Variants in SLC15A3 observed in about 807,000 individuals in gnomAD.
SLC15A3 encodes solute carrier family 15 member 3.
In SLC15A3, 39 loss-of-function variants were observed where a neutral mutation model predicts 49.2. That is an observed-to-expected ratio of 0.79 (90% CI 0.61 to 1.04). The LOEUF is 1.04. SLC15A3 is among the 50% of genes least tolerant of loss of function. The pLI is 0.00. For synonymous variants in SLC15A3, 339 were observed against 367.0 expected, an observed-to-expected ratio of 0.92 and a Z score of 0.87; for missense variants, 758 against 794.8, an observed-to-expected ratio of 0.95 and a Z score of 0.56.
intron 1 of SLC15A3, among the ~76,000 whole-genome samples, chr11:60,948,653 A>T (rs1187741724): frequency 6.6e-6 from 1 of 152,154 alleles, no homozygotes; most frequent in African/African-American, 2.4e-5. Context: ...AAATCCAGTG[A>T]TGTCCATTCC....
rs1565124927 is a variant in SLC15A3 at position 60,937,225 on chromosome 11, C to G, written c.1740G>C (p.Arg580Ser). 6.2e-7 allele frequency: 1 copy of G among 1,613,924 alleles called. No individual in the cohort carries two copies. Among genetic ancestry groups the G allele is most frequent in the East Asian group, 2.2e-5 (1 of 44,882 alleles). ...GGGCTGGAATAGGGCCTGTTCAGCC[C>G]CTGTCCCTGCTGAAACGGCTGTGGG... is the stretch of plus-strand genomic sequence containing the variant. ...PASHSRFSRD[R>S]G The change falls in exon 8 of 8, where the codon AGG (arginine) becomes AGC (serine). Residue 580 changes from arginine (R) to serine (S), a missense_variant. Arg to Ser is a moderately radical substitution (Grantham distance 110, BLOSUM62 -1). Transcript: ENST00000227880.
At chr11:60,939,071 T>C (rs992321834) in intron 6 of SLC15A3, among the ~76,000 whole-genome samples, 1 of 152,062 alleles carries the variant, frequency 6.6e-6, no homozygotes, top group Non-Finnish European at 1.5e-5. Context: ...TGTGCTATGA[T>C]AGAGAGATGA....
At chr11:60,948,991 A>G (rs1177913826) in intron 1 of SLC15A3, among the ~76,000 whole-genome samples, 4 of 152,204 alleles carry the variant, frequency 2.6e-5, no homozygotes. Context: ...ATTCCCATTG[A>G]CAAATATTGG....
intron 1 of SLC15A3, among the ~76,000 whole-genome samples, chr11:60,947,414 C>T (rs577920554): frequency 2.6e-5 from 4 of 152,282 alleles, no homozygotes; most frequent in South Asian, 2.1e-4. Flanking sequence ...CTCCTGACCT[C>T]GTGATCCGCT....
chr11:60,944,697 C>T (rs538808693), intron 2 of SLC15A3, among the ~76,000 whole-genome samples: 5 of 152,256 alleles, frequency 3.3e-5, no homozygotes, highest in Admixed American at 1.3e-4. Context: ...CCAAAATTCC[C>T]CCCCCTTGCT....
At chr11:60,940,506 A>AC (rs1257503716) in intron 5 of SLC15A3, 1 of 151,788 alleles carries the variant, frequency 6.6e-6, no homozygotes, top group Non-Finnish European at 1.5e-5. Context: ...TCCTCACAAC[A>AC]CCCCCCATCA....
Position 60,938,015 on chromosome 11 carries a change from A to G in SLC15A3, c.1446T>C (p.Phe482=). 6.2e-7 allele frequency: 1 copy of G among 1,613,786 alleles called. No homozygotes were observed. The highest frequency in any genetic ancestry group is 8.5e-7 in the Non-Finnish European group (1 of 1,179,898). ...TGGAGCGCGGGGCCTCTGAGTAGGC[A>G]AACTCCAGGCCTGCAGAGGGGGAGC... is the stretch of plus-strand genomic sequence containing the variant. The part of the protein sequence containing the change: ...EIFASIPGLE[F]AYSEAPRSMQ... The change falls in exon 7 of 8, where the codon TTT becomes TTC. Residue 482 remains phenylalanine, a synonymous_variant. Transcript: ENST00000227880.
At chr11:60,943,918 G>T in intron 2 of SLC15A3, 82 bp from the exon 3 acceptor site, 5 of 1,319,262 alleles carry the variant, frequency 3.8e-6, no homozygotes, top group African/African-American at 1.5e-5. Context: ...AGCACTTTGG[G>T]AGGCTGAGGC....
chr11:60,939,374 C>T, intron 6 of SLC15A3, 106 bp downstream of exon 6: 1 of 1,354,364 alleles, frequency 7.4e-7, no homozygotes, highest in Non-Finnish European at 1.0e-6. Context: ...TGCCTTCCTC[C>T]ATGCAGATGG....
In SLC15A3 at chr11:60,951,665, C is replaced by A. The variant is rs901673807; in HGVS notation, c.-114G>T. ...CTCTCCCCCACCCAACTGGCTGGCC[C>A]TCCTTTCTCACCGCTTTGGCCCACC... On this transcript the variant is annotated 5_prime_UTR_variant, in exon 1 of 8. In the 5' UTR this introduces an upstream ATG that the reference lacks. Transcript: ENST00000227880. The A allele has an allele frequency of 1.4e-5, 12 of 842,396 alleles. No homozygotes were observed. Among genetic ancestry groups the A allele is most frequent in the Non-Finnish European group, 1.7e-5 (12 of 690,258 alleles). 52.2% of individuals were successfully genotyped at this position (842,396 alleles called of 1,614,324 possible). A position where few individuals can be genotyped will look rare whatever the true frequency, so the allele number is the denominator to read the frequency against.
At chr11:60,941,784 C>T in intron 4 of SLC15A3, 1 of 472,732 alleles carries the variant, frequency 2.1e-6, no homozygotes. Flanking sequence ...GCAAATTAGG[C>T]AGCGAGACCT....
chr11:60,938,101 C>T, intron 6 of SLC15A3, 76 bp from the exon 7 acceptor site: 3 of 1,503,140 alleles, frequency 2.0e-6, no homozygotes, highest in Non-Finnish European at 2.7e-6. Context: ...TGCTTGCTGC[C>T]CCTGACCCTG....
rs762239096 is a variant in SLC15A3 at position 60,943,851 on chromosome 11, A to G, written c.849-15T>C. On this transcript the variant is annotated splice_polypyrimidine_tract_variant and intron_variant, in intron 2 of 7. Coordinates refer to ENST00000227880, the MANE Select transcript of SLC15A3 (RefSeq NM_016582.3). Reference sequence around the variant, plus strand: ...ATTGACGGTCTCTGTGAGACCCCAGAGGCAGCAGATAAAACAACAGTCAAG... The same window carrying G: ...ATTGACGGTCTCTGTGAGACCCCAGGGGCAGCAGATAAAACAACAGTCAAG... The G allele has an allele frequency of 2.0e-6, 3 of 1,525,774 alleles. No homozygotes were observed. In the African/African-American group the frequency reaches 4.2e-5, roughly 21 times the overall value. The allele number at this position is 1,525,774 out of a possible 1,614,324, so 94.5% of individuals were successfully genotyped here.
In SLC15A3 at chr11:60,937,904, C is replaced by T. The variant is rs1203357963; in HGVS notation, c.1557G>A (p.Leu519=). 3.1e-6 allele frequency: 5 copies of T among 1,614,034 alleles called. No individual in the cohort carries two copies. The African/African-American group carries it at 5.3e-5, about 17-fold the overall frequency. The change falls in exon 7 of 8, where the codon TTG becomes TTA. Residue 519 remains leucine, a synonymous_variant. Coordinates refer to ENST00000227880, the MANE Select transcript of SLC15A3 (RefSeq NM_016582.3). ...LGSSLVALLS[L]PGGWLHCPKD... is the part of the protein sequence containing the mutation. Reference sequence around the variant, plus strand: ...TGGGGCAGTGCAGCCAGCCCCCGGGCAAGGACAGCAGTGCCACTAGGCTGG... The same window carrying T: ...TGGGGCAGTGCAGCCAGCCCCCGGGTAAGGACAGCAGTGCCACTAGGCTGG...
intron 5 of SLC15A3, chr11:60,940,859 A>G (rs1230222653): frequency 5.9e-6 from 2 of 341,156 alleles, no homozygotes; most frequent in South Asian, 8.6e-5. Flanking sequence ...AAGAAAAACT[A>G]TCTCTGCCTT....
rs1397216222 is a variant in SLC15A3 at position 60,943,585 on chromosome 11, T to G, written c.996+104A>C. 4 of 1,249,676 alleles carry G rather than the reference T, an allele frequency of 3.2e-6. No individual in the cohort carries two copies. In the East Asian group the frequency reaches 1.2e-4, roughly 37 times the overall value. The allele number at this position is 1,249,676 out of a possible 1,614,324, so 77.4% of individuals were successfully genotyped here. On this transcript the variant is annotated intron_variant, in intron 3 of 7. Coordinates refer to ENST00000227880, the MANE Select transcript of SLC15A3 (RefSeq NM_016582.3). Reference sequence around the variant, plus strand: ...GCAGCACCTCACTTTATTCCCAGACTTTCCCCCTTTCCACATGCCCTGGGC... The same window carrying G: ...GCAGCACCTCACTTTATTCCCAGACGTTCCCCCTTTCCACATGCCCTGGGC...
intron 6 of SLC15A3, among the ~76,000 whole-genome samples, chr11:60,939,128 T>C (rs889117188): frequency 6.6e-6 from 1 of 152,180 alleles, no homozygotes; most frequent in Non-Finnish European, 1.5e-5. Context: ...GACCTTGGTA[T>C]TTAGGCTCAG....
chr11:60,948,628 A>G (rs868445573), intron 1 of SLC15A3, among the ~76,000 whole-genome samples: 25 of 150,840 alleles, frequency 1.7e-4, no homozygotes, highest in African/African-American at 5.1e-4. Context: ...AGCCGGAGCC[A>G]TTTTTGAAGA....
At chr11:60,950,323 C>T (rs1856891129) in intron 1 of SLC15A3, among the ~76,000 whole-genome samples, 1 of 152,244 alleles carries the variant, frequency 6.6e-6, no homozygotes, top group Non-Finnish European at 1.5e-5. Flanking sequence ...GCTGCCTTTA[C>T]TCGGCTCCTC....
Sources: allele counts gnomAD v4.1 joint callset (sites outside exome capture counted in the v4.1 genomes callset), GRCh38; gene constraint gnomAD v4.1.1; transcripts MANE v1.5; gene names NCBI Gene and HGNC (gene_info 2026-07-23, HGNC 2026-07-21).